The following RSPRY1 variants were observed in gnomAD, a reference collection of about 807,000 sequenced individuals.
The protein encoded by RSPRY1 is ring finger and SPRY domain containing 1.
RSPRY1 carries 23 observed loss-of-function variants against 73.1 expected under a neutral mutation model. That is an observed-to-expected ratio of 0.31 (90% CI 0.23 to 0.45). RSPRY1 has a LOEUF of 0.45. Ranked by LOEUF, RSPRY1 falls within the 20% of genes least tolerant of loss-of-function variation. The pLI is 1.00. For missense variants in RSPRY1, 448 were observed against 698.7 expected, an observed-to-expected ratio of 0.64 and a Z score of 4.05; for synonymous variants, 226 against 251.4, an observed-to-expected ratio of 0.90 and a Z score of 0.95.
intron 14 of RSPRY1, among the ~76,000 whole-genome samples, chr16:57,237,973 T>A (rs1270731509): frequency 1.2e-4 from 18 of 152,126 alleles, no homozygotes; most frequent in Non-Finnish European, 2.2e-4. Flanking sequence ...GGGAATAAGA[T>A]AAGGATGCCT....
At chr16:57,234,219 G>A (rs1320322420) in intron 13 of RSPRY1, among the ~76,000 whole-genome samples, 3 of 152,038 alleles carry the variant, frequency 2.0e-5, no homozygotes, top group African/African-American at 7.3e-5. Flanking sequence ...CCTGCTACCC[G>A]AAACGGTTTC....
In RSPRY1 at chr16:57,214,053, G is replaced by A. The variant is rs556183896; in HGVS notation, c.702+107G>A. On this transcript the variant is annotated intron_variant, in intron 6 of 14. Coordinates refer to ENST00000394420, the MANE Select transcript of RSPRY1 (RefSeq NM_133368.3). ...GGCATAGCCACTGGCACAGAGAATGGAATCAATTGTAAATTTTATTTGCAG... is the reference window on the plus strand; with the variant it reads ...GGCATAGCCACTGGCACAGAGAATGAAATCAATTGTAAATTTTATTTGCAG... 117 of 741,474 alleles carry A rather than the reference G, an allele frequency of 1.6e-4. No individual in the cohort carries two copies. In the African/African-American group the frequency reaches 1.9e-3, roughly 12 times the overall value. The allele number at this position is 741,474 out of a possible 1,614,324, so 45.9% of individuals were successfully genotyped here.
At chr16:57,225,131 G>T (rs2075100891) in intron 10 of RSPRY1, among the ~76,000 whole-genome samples, 1 of 152,260 alleles carries the variant, frequency 6.6e-6, no homozygotes, top group African/African-American at 2.4e-5. Context: ...CGTGATCTCT[G>T]CTCACTGCAA....
At chr16:57,198,399 T>C (rs2074493022) in intron 1 of RSPRY1, among the ~76,000 whole-genome samples, 1 of 151,572 alleles carries the variant, frequency 6.6e-6, no homozygotes, top group African/African-American at 2.4e-5. Context: ...AAAAAAATTG[T>C]ACTAAATGGA....
rs1555499007 is a variant in RSPRY1, at chr16:57,196,034, A to AAAT, written c.-155-8469_-155-8468insATA. Among the ~76,000 whole-genome samples, 1,029 of 122,758 alleles carry AAAT rather than the reference A, an allele frequency of 8.4e-3. 11 individuals are homozygous for AAAT. The highest frequency in any genetic ancestry group is 0.024 in the African/African-American group (796 of 33,202). 80.5% of individuals were successfully genotyped at this position (122,758 alleles called of 152,430 possible). A position where few individuals can be genotyped will look rare whatever the true frequency, so the allele number is the denominator to read the frequency against. The stretch of plus-strand genomic sequence containing the variant: ...AGACTTCATCTCAAAAAAAAAAAAA[A>AAAT]ATATATATATATATATATAGGTATT... On this transcript the variant is annotated intron_variant, in intron 1 of 14. Transcript: ENST00000394420.
intron 14 of RSPRY1, among the ~76,000 whole-genome samples, chr16:57,238,430 G>T (rs1223964097): frequency 6.6e-6 from 1 of 152,172 alleles, no homozygotes; most frequent in African/African-American, 2.4e-5. Flanking sequence ...ATTACTATAT[G>T]ACAAGAATGG....
chr16:57,194,955 C>T (rs2074413190), intron 1 of RSPRY1, among the ~76,000 whole-genome samples: 4 of 151,792 alleles, frequency 2.6e-5, no homozygotes, highest in African/African-American at 7.3e-5. Context: ...CTTACCAAGA[C>T]CCTAAGTTTG....
intron 1 of RSPRY1, among the ~76,000 whole-genome samples, chr16:57,202,341 A>G (rs1489435597): frequency 1.3e-5 from 2 of 152,130 alleles, no homozygotes; most frequent in Non-Finnish European, 2.9e-5. Flanking sequence ...CTGTGAGAGG[A>G]CCCAGAGCAT....
intron 10 of RSPRY1, among the ~76,000 whole-genome samples, chr16:57,225,907 C>A (rs1361523450): frequency 6.6e-6 from 1 of 152,122 alleles, no homozygotes; most frequent in African/African-American, 2.4e-5. Flanking sequence ...GGAGAAACCC[C>A]GTCCCTACTA....
chr16:57,237,402 G>A (rs113449687), intron 14 of RSPRY1, among the ~76,000 whole-genome samples: 1 of 151,966 alleles, frequency 6.6e-6, no homozygotes. Flanking sequence ...CTTGGCCTCC[G>A]AAAAGTTCTG....
chr16:57,200,874 A>G (rs1567488990), intron 1 of RSPRY1, among the ~76,000 whole-genome samples: 4 of 114,246 alleles, frequency 3.5e-5, no homozygotes, highest in South Asian at 6.3e-4. Flanking sequence ...CTGGCCGGGC[A>G]GAGGGGCTCC....
chr16:57,200,387 T>C (rs1220629947), intron 1 of RSPRY1, among the ~76,000 whole-genome samples: 20 of 152,198 alleles, frequency 1.3e-4, no homozygotes, highest in African/African-American at 4.6e-4. Flanking sequence ...AAACCGCCAT[T>C]GTCATCATAG....
chr16:57,235,257 C>A (rs777901589), intron 14 of RSPRY1, 29 bp downstream of exon 14: 2 of 1,492,502 alleles, frequency 1.3e-6, no homozygotes, highest in Non-Finnish European at 1.9e-6. Flanking sequence ...GGCAAAGTTT[C>A]ATACTGTTCT....
chr16:57,200,341 A>G (rs1373542692), intron 1 of RSPRY1, among the ~76,000 whole-genome samples: 21 of 151,674 alleles, frequency 1.4e-4, no homozygotes, highest in African/African-American at 3.1e-4. Flanking sequence ...CGATTTCTCA[A>G]TCTTTTCCCC....
In RSPRY1 at chr16:57,235,217, A is replaced by T; in HGVS notation, c.1623A>T (p.Pro541=). 1 of 1,611,722 alleles carries T rather than the reference A, an allele frequency of 6.2e-7. No homozygotes were observed. The highest frequency in any genetic ancestry group is 8.5e-7 in the Non-Finnish European group (1 of 1,177,750). Reference sequence around the variant, plus strand: ...AGGTAGCAGACACACAATTGAAGCCATGTGGACACAGGTAAGAGGATTTAT... The same window carrying T: ...AGGTAGCAGACACACAATTGAAGCCTTGTGGACACAGGTAAGAGGATTTAT... The part of the protein sequence containing the change: ...CDEVADTQLK[P]CGHSDLCMDC... Residue 541 remains proline, a synonymous_variant, in exon 14 of 15, where the codon CCA becomes CCT. Transcript: ENST00000394420.
intron 1 of RSPRY1, among the ~76,000 whole-genome samples, chr16:57,191,260 A>C (rs1009056618): frequency 3.9e-5 from 6 of 152,178 alleles, no homozygotes; most frequent in Admixed American, 2.0e-4. Flanking sequence ...CACATGGGAA[A>C]TATAGCACTG....
At chr16:57,227,513 G>T in intron 11 of RSPRY1, 60 bp downstream of exon 11, 2 of 1,190,382 alleles carry the variant, frequency 1.7e-6, no homozygotes, top group Non-Finnish European at 1.2e-6. Context: ...TTATTATGAG[G>T]CATTTATTAC....
chr16:57,229,786 A>G (rs1179942765), intron 11 of RSPRY1, among the ~76,000 whole-genome samples: 2 of 116,170 alleles, frequency 1.7e-5, no homozygotes, highest in East Asian at 5.7e-4. Context: ...GCTCACTGCA[A>G]CCTCCACCTC....
chr16:57,200,325 A>G lies in RSPRY1; in HGVS notation c.-155-4179A>G, dbSNP rs547328052. Among the ~76,000 whole-genome samples the G allele has an allele frequency of 1.3e-4, 20 of 151,610 alleles. No individual in the cohort carries two copies. In the South Asian group the frequency reaches 4.2e-3, roughly 32 times the overall value. On this transcript the variant is annotated intron_variant, in intron 1 of 14. Transcript: ENST00000394420. ...TACCTCTTTCTACACAGACATGGCA[A>G]CCATCCGATTTCTCAATCTTTTCCC...
Sources: allele counts gnomAD v4.1 joint callset (sites outside exome capture counted in the v4.1 genomes callset), GRCh38; gene constraint gnomAD v4.1.1; transcripts MANE v1.5; gene names NCBI Gene and HGNC (gene_info 2026-07-23, HGNC 2026-07-21).